Variants in IL17RE observed in about 807,000 individuals in gnomAD.
IL17RE encodes interleukin-17 receptor E.
IL17RE carries 47 observed loss-of-function variants against 70.7 expected under a neutral mutation model. The ratio of observed to expected loss-of-function variants is 0.67; its 90% CI spans 0.53 to 0.85. The LOEUF (loss-of-function observed/expected upper bound fraction) is 0.85. IL17RE is among the 40% of genes least tolerant of loss of function. The pLI, the probability that IL17RE is intolerant of heterozygous loss-of-function variation, is 0.00. For missense variants in IL17RE, 850 were observed against 893.9 expected (o/e 0.95, Z 0.63); for synonymous variants, 372 against 381.2 (o/e 0.98, Z 0.28).
Position 9,906,965 on chromosome 3 carries a change from C to T in IL17RE, c.531C>T (p.Pro177=), listed in dbSNP as rs369549333. The T allele has an allele frequency of 3.7e-6, 6 of 1,614,002 alleles. No homozygotes were observed. The highest frequency in any genetic ancestry group is 1.7e-5 in the Admixed American group (1 of 59,996). Residue 177 remains proline, a synonymous_variant, in exon 6 of 16, where the codon CCC becomes CCT. Transcript: ENST00000383814. ...PRLDSQRHGG[P]EFSFDLLPEA... ...CTGAGTCCTTCCTCTCCCCAGGACC[C>T]GAGTTCTCCTTTGATTTGCTGCCTG... is the stretch of plus-strand genomic sequence containing the variant.
chr3:9,908,264 T>C lies in IL17RE; in HGVS notation c.692T>C (p.Val231Ala), dbSNP rs753908988. 5 of 1,614,102 alleles carry C rather than the reference T, an allele frequency of 3.1e-6. No homozygotes were observed. Among genetic ancestry groups the C allele is most frequent in the Admixed American group, 3.3e-5 (2 of 60,000 alleles). The change falls in exon 7 of 16, where the codon GTA (valine) becomes GCA (alanine). Residue 231 changes from valine to alanine, a missense_variant. Val to Ala is a moderately conservative substitution (Grantham distance 64). Coordinates refer to ENST00000383814, the MANE Select transcript of IL17RE (RefSeq NM_153480.2). Reference sequence around the variant, plus strand: ...AAAATTGTGTCTGGGGGCCACACTGTAGAGCTGCCTTATGAATTCCTTCTG... The same window carrying C: ...AAAATTGTGTCTGGGGGCCACACTGCAGAGCTGCCTTATGAATTCCTTCTG... ...VQKIVSGGHTVELPYEFLLPC... is the reference protein window; with the variant it reads ...VQKIVSGGHTAELPYEFLLPC...
intron 2 of IL17RE, among the ~76,000 whole-genome samples, chr3:9,903,757 C>T (rs1035468353): frequency 6.6e-6 from 1 of 152,184 alleles, no homozygotes; most frequent in Non-Finnish European, 1.5e-5. Context: ...TGGCTCCTCC[C>T]CTTAACTGAT....
upstream of IL17RE, chr3:9,902,514 G>C: frequency 2.0e-6 from 2 of 994,624 alleles, no homozygotes; most frequent in Non-Finnish European, 3.1e-6. Flanking sequence ...AATTCTCTAA[G>C]TGAGGGGGTG....
intron 13 of IL17RE, 149 bp from the exon 14 acceptor site, chr3:9,914,399 C>T: frequency 6.6e-7 from 1 of 1,508,858 alleles, no homozygotes; most frequent in Non-Finnish European, 8.8e-7. Context: ...TGTTCTGTGC[C>T]AGGCTAGCAG....
chr3:9,909,354 TACAC>T (rs142612801), intron 8 of IL17RE, 71 bp downstream of exon 8: 780 of 1,094,204 alleles, frequency 7.1e-4, no homozygotes, highest in Middle Eastern at 1.0e-3. Context: ...CACACACATG[TACAC>T]ACACACACAC....
At chr3:9,908,033 C>A (rs2082801074) in intron 6 of IL17RE, among the ~76,000 whole-genome samples, 1 of 152,172 alleles carries the variant, frequency 6.6e-6, no homozygotes, top group Admixed American at 6.5e-5. Flanking sequence ...CTGTCTCCTT[C>A]CCCCCAACTC....
In IL17RE at chr3:9,915,419, C is replaced by A. The variant is rs773216468; in HGVS notation, c.1616C>A (p.Pro539Gln). 11 of 1,360,874 alleles carry A rather than the reference C, an allele frequency of 8.1e-6. No individual in the cohort carries two copies. Among genetic ancestry groups the A allele is most frequent in the East Asian group, 3.0e-5 (1 of 33,108 alleles). 84.3% of individuals were successfully genotyped at this position (1,360,874 alleles called of 1,614,324 possible). Residue 539 changes from proline to glutamine, a missense_variant, in exon 16 of 16, where the codon CCG becomes CAG. Transcript: ENST00000383814. This position sits in a 1 kb window ranked among gnomAD's most constrained non-coding sequence, Gnocchi z 4.9. ...GRHVARVGPL[P>Q]WLWAARTRVA... Reference sequence around the variant, plus strand: ...CACGTGGCGCGCGTGGGCCCGCTGCCGTGGCTCTGGGCGGCGCGGACGCGC... The same window carrying A: ...CACGTGGCGCGCGTGGGCCCGCTGCAGTGGCTCTGGGCGGCGCGGACGCGC...
At chr3:9,907,465 G>A (rs377766864) in intron 6 of IL17RE, among the ~76,000 whole-genome samples, 11 of 152,094 alleles carry the variant, frequency 7.2e-5, no homozygotes, top group Admixed American at 2.0e-4. Flanking sequence ...CCTTGTCACC[G>A]GGAAGAACAG....
Position 9,906,472 on chromosome 3 carries a change from T to A in IL17RE, c.366+11T>A, listed in dbSNP as rs1357258916. On this transcript the variant is annotated intron_variant, in intron 4 of 15. Transcript: ENST00000383814. ...CCAGCACCTGCTCAGGTACTCTCCCTGTCAGTTCCAGCCCTACCTGACGCC... is the reference window on the plus strand; with the variant it reads ...CCAGCACCTGCTCAGGTACTCTCCCAGTCAGTTCCAGCCCTACCTGACGCC... 1 of 1,590,152 alleles carries A rather than the reference T, an allele frequency of 6.3e-7. No homozygotes were observed. The highest frequency in any genetic ancestry group is 2.2e-5 in the East Asian group (1 of 44,768).
At chr3:9,906,519 C>T (rs2082761499) in intron 4 of IL17RE, 58 bp downstream of exon 4, 3 of 1,430,626 alleles carry the variant, frequency 2.1e-6, no homozygotes, top group African/African-American at 2.8e-5. Context: ...TGCTTTCTGG[C>T]CTCTCATTTG....
intron 3 of IL17RE, among the ~76,000 whole-genome samples, chr3:9,905,907 G>A (rs1040424392): frequency 1.8e-4 from 28 of 152,294 alleles, no homozygotes; most frequent in African/African-American, 6.3e-4. Context: ...TTTCTTGATT[G>A]CTTTATAATT....
At position 9,914,740 on chromosome 3, in the gene IL17RE, T is replaced by C. The variant is rs537470634; in HGVS notation, c.1410T>C (p.Gly470=). Residue 470 remains glycine, a synonymous_variant, in exon 15 of 16, where the codon GGT becomes GGC. Transcript: ENST00000383814. ...TGCTGGCCCTCCTCACCCTACTGGG[T>C]GTTGTTCTGGCCCTCACCTGCCGGC... ...LALLALLTLL[G]VVLALTCRRP... The C allele has an allele frequency of 6.2e-7, 1 of 1,613,878 alleles. No individual in the cohort carries two copies. The highest frequency in any genetic ancestry group is 2.2e-5 in the East Asian group (1 of 44,868).
At position 9,902,971 on chromosome 3, in the gene IL17RE, C is replaced by T. The variant is rs757001837; in HGVS notation, c.39C>T (p.Leu13=). 1.9e-6 allele frequency: 3 copies of T among 1,614,214 alleles called. No homozygotes were observed. The highest frequency in any genetic ancestry group is 2.7e-5 in the African/African-American group (2 of 75,072). Residue 13 remains leucine, a synonymous_variant, in exon 1 of 16, where the codon CTC becomes CTT. Coordinates refer to ENST00000383814, the MANE Select transcript of IL17RE (RefSeq NM_153480.2). ...GACTGGCAGCCCTGCTCCTGCCTCT[C>T]CTCCTCATAGTCATCGACCTCTCTG... ...SSRLAALLLP[L]LLIVIDLSDS...
intron 8 of IL17RE, 90 bp downstream of exon 8, chr3:9,909,373 ACCC>A (rs1360391282): frequency 9.4e-7 from 1 of 1,067,054 alleles, no homozygotes; most frequent in African/African-American, 1.6e-5. Flanking sequence ...ACACACACAC[ACCC>A]CGCACTTCAC....
chr3:9,913,806 G>A (rs1218402189), intron 12 of IL17RE, 150 bp from the exon 13 acceptor site: 3 of 644,268 alleles, frequency 4.7e-6, no homozygotes, highest in Non-Finnish European at 8.5e-6. Flanking sequence ...CGGAGTGACT[G>A]GGGAAGCCTT....
intron 1 of IL17RE, 157 bp from the exon 2 acceptor site, chr3:9,903,240 G>A: frequency 1.0e-6 from 1 of 992,738 alleles, no homozygotes; most frequent in Non-Finnish European, 1.5e-6. Context: ...CCTGGACAGG[G>A]TGGAGCTGGG....
intron 6 of IL17RE, among the ~76,000 whole-genome samples, chr3:9,907,403 T>A (rs957764085): frequency 1.3e-5 from 2 of 151,572 alleles, no homozygotes; most frequent in African/African-American, 4.9e-5. Flanking sequence ...ATTAATTAAT[T>A]AATTAAATTA....
chr3:9,915,897 C>A lies in IL17RE; in HGVS notation c.*90C>A. 1.4e-6 allele frequency: 2 copies of A among 1,384,656 alleles called. No homozygotes were observed. The highest frequency in any genetic ancestry group is 1.7e-5 in the South Asian group (1 of 59,852). 85.8% of individuals were successfully genotyped at this position (1,384,656 alleles called of 1,614,324 possible). A position where few individuals can be genotyped will look rare whatever the true frequency, so the allele number is the denominator to read the frequency against. On this transcript the variant is annotated 3_prime_UTR_variant, in exon 16 of 16. Coordinates refer to ENST00000383814, the MANE Select transcript of IL17RE (RefSeq NM_153480.2). The surrounding 1 kb of genome is among the most constrained non-coding windows in gnomAD (Gnocchi z 4.9). Reference sequence around the variant, plus strand: ...GGAATGAGCCTTCGACCCTGAAATCCTTGGGGTGCCTCGAGGACGACTGGC... The same window carrying A: ...GGAATGAGCCTTCGACCCTGAAATCATTGGGGTGCCTCGAGGACGACTGGC...
At position 9,914,461 on chromosome 3, in the gene IL17RE, C is replaced by G. The variant is rs780995253; in HGVS notation, c.1297-87C>G. On this transcript the variant is annotated intron_variant, in intron 13 of 15. Coordinates refer to ENST00000383814, the MANE Select transcript of IL17RE (RefSeq NM_153480.2). ...AAGAATTCCCTAGCCAGTGGGGACTCCCCTCTCCCCCAGCTCCATGCTTCA... is the reference window on the plus strand; with the variant it reads ...AAGAATTCCCTAGCCAGTGGGGACTGCCCTCTCCCCCAGCTCCATGCTTCA... The G allele has an allele frequency of 4.2e-5, 67 of 1,577,074 alleles. No individual in the cohort carries two copies. In the South Asian group the frequency reaches 7.8e-4, roughly 18 times the overall value.
Sources: gnomAD v4.1 joint callset for allele counts (sites outside exome capture counted in the v4.1 genomes callset) on GRCh38, gnomAD v4.1.1 for gene constraint, Gnocchi (gnomAD v3.1) non-coding constraint, MANE v1.5 for transcripts, NCBI Gene and HGNC (gene_info 2026-07-23, HGNC 2026-07-21) for gene names.